TMEM108: variants seen among roughly 807,000 people sequenced by gnomAD.
TMEM108 encodes the protein transmembrane protein 108, also known as cancer/testis antigen 124.
A neutral mutation model predicts 35.1 loss-of-function variants in TMEM108; 12 were observed. That is an observed-to-expected ratio of 0.34 (90% CI 0.22 to 0.55). TMEM108 has a LOEUF of 0.55. Among genes scored for constraint, TMEM108 ranks in the 20% least tolerant of loss-of-function variants. The pLI, the probability that TMEM108 is intolerant of heterozygous loss-of-function variation, is 0.89. For missense variants in TMEM108, 680 were observed against 753.3 expected, an observed-to-expected ratio of 0.90 and a Z score of 1.14; for synonymous variants, 287 against 308.6, an observed-to-expected ratio of 0.93 and a Z score of 0.73.
At chr3:133,216,145 T>A (rs1945905144) in intron 2 of TMEM108, among the ~76,000 whole-genome samples, 2 of 152,138 alleles carry the variant, frequency 1.3e-5, no homozygotes, top group Admixed American at 1.3e-4. Context: ...AATCTGCATA[T>A]CAAATATCAG....
chr3:133,239,349 T>C (rs978646235), intron 3 of TMEM108, among the ~76,000 whole-genome samples: 1 of 152,200 alleles, frequency 6.6e-6, no homozygotes, highest in African/African-American at 2.4e-5. Flanking sequence ...ACACTAAAAT[T>C]CAGTATTTTA....
chr3:133,294,556 A>G (rs934422315), intron 3 of TMEM108, among the ~76,000 whole-genome samples: 3 of 152,208 alleles, frequency 2.0e-5, no homozygotes, highest in African/African-American at 7.2e-5. Flanking sequence ...TTTGCCTCCT[A>G]TGATAATTCT....
intron 2 of TMEM108, among the ~76,000 whole-genome samples, chr3:133,088,799 T>C (rs1943913419): frequency 6.6e-6 from 1 of 152,200 alleles, no homozygotes; most frequent in Non-Finnish European, 1.5e-5. Flanking sequence ...GTCATTAAGA[T>C]TGACTGTGTC....
chr3:133,122,281 A>G (rs1204362996), intron 2 of TMEM108, among the ~76,000 whole-genome samples: 1 of 152,134 alleles, frequency 6.6e-6, no homozygotes, highest in Non-Finnish European at 1.5e-5. Context: ...TGTAGCCCTA[A>G]TGTGATTTCT....
chr3:133,391,933 G>C (rs1003517941), intron 5 of TMEM108, among the ~76,000 whole-genome samples: 9 of 152,196 alleles, frequency 5.9e-5, no homozygotes, highest in Middle Eastern at 6.8e-3. Flanking sequence ...TCCCCTACTT[G>C]AGTAACCAGT....
chr3:133,102,256 G>T (rs569340126), intron 2 of TMEM108, among the ~76,000 whole-genome samples: 1 of 152,298 alleles, frequency 6.6e-6, no homozygotes, highest in Non-Finnish European at 1.5e-5. Flanking sequence ...TTCAGAAGGA[G>T]TGGAGAATAT....
At chr3:133,343,505 C>T (rs1315993036) in intron 3 of TMEM108, among the ~76,000 whole-genome samples, 1 of 151,890 alleles carries the variant, frequency 6.6e-6, no homozygotes, top group African/African-American at 2.4e-5. Flanking sequence ...AGTAAACAAA[C>T]TGTGGTACAA....
intron 2 of TMEM108, among the ~76,000 whole-genome samples, chr3:133,185,924 C>G (rs1243843511): frequency 2.6e-5 from 4 of 151,926 alleles, no homozygotes; most frequent in African/African-American, 7.3e-5. Context: ...CATGCCACCA[C>G]GCCTGGCTGA....
chr3:133,203,165 T>C (rs981979197), intron 2 of TMEM108, among the ~76,000 whole-genome samples: 2 of 152,246 alleles, frequency 1.3e-5, no homozygotes, highest in Admixed American at 6.5e-5. Flanking sequence ...TTTGCTGAAG[T>C]TGCTTATCAG....
chr3:133,350,074 A>G (rs924211627), intron 3 of TMEM108, among the ~76,000 whole-genome samples: 12 of 152,166 alleles, frequency 7.9e-5, no homozygotes, highest in Non-Finnish European at 1.5e-4. Flanking sequence ...TATGTACACA[A>G]TGGAATACTA....
intron 2 of TMEM108, among the ~76,000 whole-genome samples, chr3:133,227,552 A>C (rs1385692367): frequency 6.6e-6 from 1 of 151,882 alleles, no homozygotes; most frequent in African/African-American, 2.4e-5. Context: ...TTCTTATTAA[A>C]AAAAACACTT....
At chr3:133,060,059 T>G (rs751270023) in intron 2 of TMEM108, among the ~76,000 whole-genome samples, 54 of 148,762 alleles carry the variant, frequency 3.6e-4, no homozygotes, top group Non-Finnish European at 7.3e-4. Context: ...TCAGTTTATT[T>G]GTTCTATTAT....
At chr3:133,315,154 ATTG>A (rs1437043967) in intron 3 of TMEM108, among the ~76,000 whole-genome samples, 4 of 152,222 alleles carry the variant, frequency 2.6e-5, no homozygotes, top group Non-Finnish European at 4.4e-5. Context: ...GAGGTTAAGT[ATTG>A]TTGTCCTTAT....
At chr3:133,190,395 C>G (rs1945481777) in intron 2 of TMEM108, among the ~76,000 whole-genome samples, 1 of 152,142 alleles carries the variant, frequency 6.6e-6, no homozygotes, top group Non-Finnish European at 1.5e-5. Flanking sequence ...ACAGATATTT[C>G]AAGGGTAGAA....
chr3:133,108,201 A>C (rs1273524946), intron 2 of TMEM108, among the ~76,000 whole-genome samples: 1 of 152,196 alleles, frequency 6.6e-6, no homozygotes, highest in East Asian at 1.9e-4. Context: ...GCTGTACTCC[A>C]GCCTGAGCGA....
intron 2 of TMEM108, among the ~76,000 whole-genome samples, chr3:133,126,228 AGGCTAAAG>A (rs1944414323): frequency 6.6e-6 from 1 of 152,196 alleles, no homozygotes; most frequent in South Asian, 2.1e-4. Context: ...GCACTTTGGG[AGGCTAAAG>A]TGGGTGGACC....
chr3:133,368,980 C>T (rs1423915755), intron 3 of TMEM108, among the ~76,000 whole-genome samples: 2 of 152,164 alleles, frequency 1.3e-5, no homozygotes, highest in African/African-American at 4.8e-5. Context: ...GCATCTTAAT[C>T]GCATATTCCT....
intron 3 of TMEM108, among the ~76,000 whole-genome samples, chr3:133,274,390 A>T (rs189925820): frequency 9.2e-5 from 14 of 152,258 alleles, no homozygotes; most frequent in African/African-American, 3.4e-4. Flanking sequence ...CCTTTCTCTT[A>T]TGATGGGAGA....
At chr3:133,200,409 G>A (rs1945645861) in intron 2 of TMEM108, among the ~76,000 whole-genome samples, 1 of 152,184 alleles carries the variant, frequency 6.6e-6, no homozygotes. Context: ...GAGAAGTTCT[G>A]AGCTCACTAC....
Sources: allele counts gnomAD v4.1 joint callset (sites outside exome capture counted in the v4.1 genomes callset), GRCh38; gene constraint gnomAD v4.1.1; transcripts MANE v1.5; gene names NCBI Gene and HGNC (gene_info 2026-07-23, HGNC 2026-07-21).